Variants in EGF observed in about 807,000 individuals in gnomAD.
The protein encoded by EGF is pro-epidermal growth factor.
In EGF, 95 loss-of-function variants were observed where a neutral mutation model predicts 143.8. The ratio of observed to expected loss-of-function variants is 0.66; its 90% CI spans 0.56 to 0.78. The LOEUF (loss-of-function observed/expected upper bound fraction) is 0.78, where lower values mean the gene tolerates loss of function less well. EGF is among the 30% of genes least tolerant of loss of function. EGF has a pLI of 0.00. For synonymous variants in EGF, 510 were observed against 510.5 expected (o/e 1.00, Z 0.01); for missense variants, 1,320 against 1,470.9 (o/e 0.90, Z 1.68).
intron 6 of EGF, among the ~76,000 whole-genome samples, chr4:109,960,229 A>G (rs1319451631): frequency 6.6e-6 from 1 of 152,220 alleles, no homozygotes; most frequent in Non-Finnish European, 1.5e-5. Flanking sequence ...ACAATAGGAA[A>G]TGTCCTAAGC....
rs978302673 is a variant in EGF at position 109,981,108 on chromosome 4, ATTTG to A, written c.2371+141_2371+144del. ...TCTCCTGTTTTTAGGAATGCTAAGA[ATTTG>A]TTTGTTTATTTGTTCTCTTCTGCTG... On this transcript the variant is annotated intron_variant, in intron 15 of 23. Coordinates refer to ENST00000265171, the MANE Select transcript of EGF (RefSeq NM_001963.6). The A allele has an allele frequency of 2.2e-5, 30 of 1,383,894 alleles. No homozygotes were observed. The Admixed American group carries it at 2.4e-4, about 11-fold the overall frequency. The allele number at this position is 1,383,894 out of a possible 1,614,324, so 85.7% of individuals were successfully genotyped here.
intron 5 of EGF, among the ~76,000 whole-genome samples, chr4:109,957,599 C>G (rs1745000555): frequency 6.6e-6 from 1 of 152,226 alleles, no homozygotes; most frequent in Admixed American, 6.5e-5. Context: ...TGGGTACAGA[C>G]AAAGGAGACT....
chr4:109,945,415 T>G, intron 5 of EGF, 140 bp downstream of exon 5: 1 of 749,930 alleles, frequency 1.3e-6, no homozygotes, highest in Non-Finnish European at 2.3e-6. Flanking sequence ...AATAGACCCC[T>G]GTAAGAAAAG....
chr4:109,962,039 C>A, intron 8 of EGF, 54 bp downstream of exon 8: 1 of 1,609,132 alleles, frequency 6.2e-7, no homozygotes, highest in South Asian at 1.1e-5. Context: ...TACATTTGCT[C>A]AGTGACATCT....
chr4:109,946,986 G>A (rs1333645444), intron 5 of EGF, among the ~76,000 whole-genome samples: 1 of 152,106 alleles, frequency 6.6e-6, no homozygotes, highest in African/African-American at 2.4e-5. Flanking sequence ...GGGCATGGTG[G>A]CGCATGTCTG....
At chr4:109,936,995 A>G (rs1740941868) in intron 1 of EGF, among the ~76,000 whole-genome samples, 1 of 152,192 alleles carries the variant, frequency 6.6e-6, no homozygotes, top group Non-Finnish European at 1.5e-5. Context: ...TGTGATGCTG[A>G]GAAGAATGTG....
At position 109,993,276 on chromosome 4, in the gene EGF, A is replaced by G. The variant is rs1164362488; in HGVS notation, c.2764A>G (p.Ser922Gly). 3.1e-6 allele frequency: 5 copies of G among 1,613,786 alleles called. No homozygotes were observed. The highest frequency in any genetic ancestry group is 4.2e-6 in the Non-Finnish European group (5 of 1,179,894). The change falls in exon 19 of 24, where the codon AGC (serine) becomes GGC (glycine). Residue 922 changes from serine (S) to glycine (G), a missense_variant. Ser to Gly is a moderately conservative substitution (Grantham distance 56). Transcript: ENST00000265171. ...TGATGAGTGCCAACTGGGGGAGCAC[A>G]GCTGTGGAGAGAATGCCAGCTGCAC... ...DIDECQLGEH[S>G]CGENASCTNT...
intron 11 of EGF, among the ~76,000 whole-genome samples, chr4:109,973,171 C>A (rs1747937753): frequency 6.6e-6 from 1 of 152,102 alleles, no homozygotes; most frequent in Non-Finnish European, 1.5e-5. Context: ...CTGAAGGGGG[C>A]AGGGATGCTA....
chr4:109,993,317 C>T lies in EGF; in HGVS notation c.2805C>T (p.Gly935=). The T allele has an allele frequency of 6.2e-7, 1 of 1,613,866 alleles. No individual in the cohort carries two copies. The highest frequency in any genetic ancestry group is 8.5e-7 in the Non-Finnish European group (1 of 1,179,938). ...ENASCTNTEG[G]YTCMCAGRLS... ...CCAGCTGCACAAATACAGAGGGAGG[C>T]TATACCTGCATGTGTGCTGGACGCC... The change falls in exon 19 of 24, where the codon GGC becomes GGT. Residue 935 remains glycine (G), a synonymous_variant. Transcript: ENST00000265171.
intron 5 of EGF, among the ~76,000 whole-genome samples, chr4:109,952,203 A>G (rs1292029494): frequency 6.6e-6 from 1 of 152,310 alleles, no homozygotes. Flanking sequence ...GGATTTTACA[A>G]CTACTTTATT....
chr4:109,988,719 C>T lies in EGF; in HGVS notation c.2734+10C>T. 6.2e-7 allele frequency: 1 copy of T among 1,613,674 alleles called. No homozygotes were observed. The highest frequency in any genetic ancestry group is 8.5e-7 in the Non-Finnish European group (1 of 1,179,766). On this transcript the variant is annotated intron_variant, in intron 18 of 23. Transcript: ENST00000265171. ...GGGATTCACTGTCTTGGTAAGAGGA[C>T]ACATGTGCTGGGGAGGAGGGCAGAG...
At chr4:109,948,615 C>T (rs1341468398) in intron 5 of EGF, among the ~76,000 whole-genome samples, 1 of 152,076 alleles carries the variant, frequency 6.6e-6, no homozygotes, top group African/African-American at 2.4e-5. Context: ...TCCCAAGTAG[C>T]TGGGATTACA....
intron 1 of EGF, among the ~76,000 whole-genome samples, chr4:109,917,711 C>T (rs1736947289): frequency 6.6e-6 from 1 of 152,124 alleles, no homozygotes; most frequent in African/African-American, 2.4e-5. Flanking sequence ...ACCTCCGCCT[C>T]CCAGGTTCAA....
chr4:109,998,532 A>G (rs1307708769), intron 20 of EGF, among the ~76,000 whole-genome samples: 2 of 152,200 alleles, frequency 1.3e-5, no homozygotes, highest in Non-Finnish European at 2.9e-5. Context: ...GGAATATGCC[A>G]CCAAAAATAA....
intron 5 of EGF, 44 bp from the exon 6 acceptor site, chr4:109,959,268 G>A: frequency 1.2e-6 from 2 of 1,612,804 alleles, no homozygotes; most frequent in Non-Finnish European, 1.7e-6. Context: ...AGTGTCCTCT[G>A]TCAAAACACG....
At chr4:109,962,809 G>A (rs1258654505) in intron 8 of EGF, among the ~76,000 whole-genome samples, 1 of 152,128 alleles carries the variant, frequency 6.6e-6, no homozygotes, top group East Asian at 1.9e-4. Context: ...GCTCATGCCT[G>A]GAATCCTAGC....
In EGF at chr4:110,008,187, T is replaced by C. The variant is rs1195942729; in HGVS notation, c.3327T>C (p.Asn1109=). ...VVIKEHQDLK[N]GGQPVAGEDG... Reference sequence around the variant, plus strand: ...TAAAAGAACACCAAGACCTCAAGAATGGGGGTCAACCAGTGGCTGGTGAGG... The same window carrying C: ...TAAAAGAACACCAAGACCTCAAGAACGGGGGTCAACCAGTGGCTGGTGAGG... Residue 1109 remains asparagine, a synonymous_variant, in exon 23 of 24, where the codon AAT becomes AAC. Transcript: ENST00000265171. 2.5e-6 allele frequency: 4 copies of C among 1,614,058 alleles called. No homozygotes were observed. The South Asian group carries it at 4.4e-5, about 18-fold the overall frequency.
At chr4:110,006,638 T>C (rs1319593241) in intron 22 of EGF, among the ~76,000 whole-genome samples, 1 of 152,238 alleles carries the variant, frequency 6.6e-6, no homozygotes, top group African/African-American at 2.4e-5. Flanking sequence ...ATTCAGGTTT[T>C]GAGTAGCAGG....
intron 1 of EGF, among the ~76,000 whole-genome samples, chr4:109,916,131 C>T (rs2250724): frequency 0.13 from 19,391 of 151,986 alleles, 1,832 homozygotes; most frequent in African/African-American, 0.26. Flanking sequence ...CTCCCAGCTG[C>T]GGGAGGGATC....
Sources: gnomAD v4.1 joint callset for allele counts (sites outside exome capture counted in the v4.1 genomes callset) on GRCh38, gnomAD v4.1.1 for gene constraint, MANE v1.5 for transcripts, NCBI Gene and HGNC (gene_info 2026-07-23, HGNC 2026-07-21) for gene names.